EML1: variants seen among roughly 807,000 people sequenced by gnomAD.
EML1 encodes EMAP like 1, also known as echinoderm microtubule-associated protein-like 1.
In EML1, 27 loss-of-function variants were observed where a neutral mutation model predicts 110.4. The observed-to-expected ratio is 0.24, with a 90% CI of 0.18 to 0.34. The LOEUF (loss-of-function observed/expected upper bound fraction) is 0.34, where lower values mean the gene tolerates loss of function less well. Ranked by LOEUF, EML1 falls within the 10% of genes least tolerant of loss-of-function variation. The probability of loss-of-function intolerance (pLI) is 1.00; values close to 1 mark genes in which losing one functional copy is unlikely to be tolerated. For synonymous variants in EML1, 344 were observed against 385.8 expected (o/e 0.89, Z 1.27); for missense variants, 741 against 1,030.9 (o/e 0.72, Z 3.85).
At chr14:99,802,783 G>A (rs1449667024) in intron 1 of EML1, among the ~76,000 whole-genome samples, 1 of 152,038 alleles carries the variant, frequency 6.6e-6, no homozygotes, top group Non-Finnish European at 1.5e-5. Context: ...TAACATTTGC[G>A]AGCCATCAGC....
chr14:99,889,166 G>A (rs1193580776), intron 4 of EML1, among the ~76,000 whole-genome samples: 2 of 152,174 alleles, frequency 1.3e-5, no homozygotes, highest in African/African-American at 4.8e-5. Flanking sequence ...AGGGGTGGGT[G>A]TGTAGTGAGG....
chr14:99,848,351 T>A (rs1016796039), intron 1 of EML1, among the ~76,000 whole-genome samples: 1 of 152,150 alleles, frequency 6.6e-6, no homozygotes, highest in Non-Finnish European at 1.5e-5. Flanking sequence ...TGAGAACCAC[T>A]AAGAGAGTAG....
chr14:99,789,464 T>C (rs34843429), upstream of EML1, among the ~76,000 whole-genome samples: 74 of 152,292 alleles, frequency 4.9e-4, no homozygotes, highest in Non-Finnish European at 8.5e-4. Context: ...CCACCTCGGC[T>C]TCCCAAAGTG....
chr14:99,932,935 G>A (rs2060399043), intron 17 of EML1, among the ~76,000 whole-genome samples: 1 of 152,082 alleles, frequency 6.6e-6, no homozygotes. Context: ...GGGCAACATA[G>A]TGAGACCCCC....
At chr14:99,929,685 A>G (rs536686240) in intron 17 of EML1, among the ~76,000 whole-genome samples, 7 of 152,204 alleles carry the variant, frequency 4.6e-5, no homozygotes, top group Non-Finnish European at 8.8e-5. Context: ...TTTGGATTTA[A>G]GTATTTACAG....
chr14:99,838,710 G>A (rs1244855819), intron 1 of EML1, among the ~76,000 whole-genome samples: 2 of 151,968 alleles, frequency 1.3e-5, no homozygotes, highest in Non-Finnish European at 2.9e-5. Context: ...TAGCTACTGC[G>A]CCTCATAGCA....
At chr14:99,835,739 G>A (rs1388059738) in intron 1 of EML1, among the ~76,000 whole-genome samples, 2 of 152,150 alleles carry the variant, frequency 1.3e-5, no homozygotes, top group Non-Finnish European at 2.9e-5. Context: ...TTTGTGTCTA[G>A]ATGCATTATT....
At chr14:99,779,692 C>T (rs2057519420) in intron 1 of EML1, among the ~76,000 whole-genome samples, 1 of 152,222 alleles carries the variant, frequency 6.6e-6, no homozygotes, top group Non-Finnish European at 1.5e-5. Flanking sequence ...CAGCAGACCC[C>T]TGGCTGCCAA....
intron 1 of EML1, among the ~76,000 whole-genome samples, chr14:99,739,982 A>C (rs1019463399): frequency 1.3e-5 from 2 of 152,190 alleles, no homozygotes; most frequent in African/African-American, 2.4e-5. Context: ...GGTGGGGACA[A>C]TACTGGGACA....
chr14:99,936,801 C>T lies in EML1; in HGVS notation c.2095+467C>T, dbSNP rs2060481448. Among the ~76,000 whole-genome samples the T allele has an allele frequency of 1.3e-5, 2 of 152,184 alleles. No homozygotes were observed. Among genetic ancestry groups the T allele is most frequent in the African/African-American group, 2.4e-5 (1 of 41,458 alleles). The stretch of plus-strand genomic sequence containing the variant: ...CCCTCCCAACCTGACCCTGGCCAGT[C>T]TCTGGGCCCAGGCAGTGCTTGGGAA... On this transcript the variant is annotated intron_variant, in intron 19 of 21. Coordinates refer to ENST00000262233, the MANE Select transcript of EML1 (RefSeq NM_004434.3). The surrounding 1 kb of genome is among the most constrained non-coding windows in gnomAD (Gnocchi z 5.5).
chr14:99,928,551 G>T, intron 17 of EML1, among the ~76,000 whole-genome samples: 1 of 152,086 alleles, frequency 6.6e-6, no homozygotes, highest in Non-Finnish European at 1.5e-5. Flanking sequence ...TTCATTATAT[G>T]ATTATGTTGT....
intron 2 of EML1, among the ~76,000 whole-genome samples, chr14:99,864,805 CAAAAA>C (rs67480916): frequency 3.0e-5 from 3 of 99,046 alleles, no homozygotes. Flanking sequence ...AACTCTGTCT[CAAAAA>C]AAAAAAAAAA....
chr14:99,920,290 G>A (rs1322269408), intron 16 of EML1, among the ~76,000 whole-genome samples: 1 of 152,142 alleles, frequency 6.6e-6, no homozygotes, highest in Non-Finnish European at 1.5e-5. Flanking sequence ...CCTGTTGGTT[G>A]CAGGCTAGCA....
At chr14:99,917,333 G>A (rs1019583985) in intron 15 of EML1, among the ~76,000 whole-genome samples, 1 of 152,308 alleles carries the variant, frequency 6.6e-6, no homozygotes, top group South Asian at 2.1e-4. Context: ...ACTTTGGGAG[G>A]CAGAGACAGG....
chr14:99,900,411 T>C (rs540804688), intron 8 of EML1, among the ~76,000 whole-genome samples: 44 of 152,152 alleles, frequency 2.9e-4, no homozygotes, highest in African/African-American at 8.9e-4. Context: ...GGTCTCGAAC[T>C]CCTGACCTCA....
At chr14:99,741,414 A>C (rs144565199) in intron 1 of EML1, among the ~76,000 whole-genome samples, 58 of 151,686 alleles carry the variant, frequency 3.8e-4, no homozygotes, top group African/African-American at 1.3e-3. Flanking sequence ...GCAGCTTCTG[A>C]TTCTCACCAA....
chr14:99,937,509 G>T (rs1013377377), intron 19 of EML1, among the ~76,000 whole-genome samples: 1 of 152,196 alleles, frequency 6.6e-6, no homozygotes, highest in Non-Finnish European at 1.5e-5. Flanking sequence ...GGGCTCGGGT[G>T]GGGGTGGGCA....
chr14:99,928,470 C>T (rs1162960591), intron 17 of EML1, among the ~76,000 whole-genome samples: 1 of 151,730 alleles, frequency 6.6e-6, no homozygotes, highest in African/African-American at 2.4e-5. Flanking sequence ...CCTTTTTCAT[C>T]TGAAGGGAGG....
At chr14:99,779,545 C>T (rs2057517561) in intron 1 of EML1, among the ~76,000 whole-genome samples, 1 of 152,130 alleles carries the variant, frequency 6.6e-6, no homozygotes, top group Admixed American at 6.6e-5. Context: ...CAAACAGTAC[C>T]TGCAAGTCCT....
Sources: gnomAD v4.1 joint callset for allele counts (sites outside exome capture counted in the v4.1 genomes callset) on GRCh38, gnomAD v4.1.1 for gene constraint, Gnocchi (gnomAD v3.1) non-coding constraint, MANE v1.5 for transcripts, NCBI Gene and HGNC (gene_info 2026-07-23, HGNC 2026-07-21) for gene names.